The following ZMYND12 variants were observed in gnomAD, a reference collection of about 807,000 sequenced individuals.
The protein encoded by ZMYND12 is zinc finger MYND domain-containing protein 12.
Under a neutral mutation model 41.7 loss-of-function variants are expected in ZMYND12, and 32 were observed. The observed-to-expected ratio is 0.77, with a 90% CI of 0.58 to 1.03. The LOEUF is 1.03. ZMYND12 is among the 50% of genes least tolerant of loss of function. ZMYND12 has a pLI of 0.00. For missense variants in ZMYND12, 424 were observed against 438.5 expected (o/e 0.97, Z 0.30); for synonymous variants, 148 against 164.8 (o/e 0.90, Z 0.78).
chr1:42,438,894 T>C (rs1024969793), intron 4 of ZMYND12, among the ~76,000 whole-genome samples: 2 of 152,208 alleles, frequency 1.3e-5, no homozygotes, highest in African/African-American at 4.8e-5. Context: ...AACTCTTTTC[T>C]CTGGTAATAT....
rs1017013893 is a variant in ZMYND12, at chr1:42,448,618, G to A, written c.273C>T (p.Cys91=). The change falls in exon 3 of 8, where the codon TGC becomes TGT. Residue 91 remains cysteine, a synonymous_variant. Coordinates refer to ENST00000372565, the MANE Select transcript of ZMYND12 (RefSeq NM_032257.5). The part of the protein sequence containing the change: ...QQRQKYLIEF[C]YTIAQKYLFE... The stretch of plus-strand genomic sequence containing the variant: ...AGAGGTATTTCTGGGCTATGGTGTA[G>A]CAGAATTCAATCAAATACTTCTGTG... The A allele has an allele frequency of 2.1e-5, 34 of 1,611,082 alleles. No homozygotes were observed. In the African/African-American group the frequency reaches 3.6e-4, roughly 17 times the overall value.
chr1:42,454,343 C>T (rs975940308), intron 1 of ZMYND12, among the ~76,000 whole-genome samples: 2 of 152,214 alleles, frequency 1.3e-5, no homozygotes, highest in African/African-American at 4.8e-5. Flanking sequence ...CATCCCTGCC[C>T]TTGTGGGGCA....
At chr1:42,435,494 T>C in intron 5 of ZMYND12, 109 bp from the exon 6 acceptor site, 1 of 810,882 alleles carries the variant, frequency 1.2e-6, no homozygotes, top group Non-Finnish European at 2.1e-6. Flanking sequence ...AACCTGGAGG[T>C]TCTCTCTCTT....
At chr1:42,448,434 G>A (rs746601523) in intron 3 of ZMYND12, 33 bp downstream of exon 3, 37 of 1,540,260 alleles carry the variant, frequency 2.4e-5, no homozygotes, top group Non-Finnish European at 3.1e-5. Context: ...CACCACTTAA[G>A]GGATCCAAGG....
intron 1 of ZMYND12, 41 bp from the exon 2 acceptor site, chr1:42,450,100 C>T (rs2148410243): frequency 1.2e-6 from 2 of 1,605,616 alleles, no homozygotes; most frequent in Non-Finnish European, 1.7e-6. Context: ...TTATATTTGG[C>T]ATGACTTAAG....
chr1:42,430,598 C>T lies in ZMYND12; in HGVS notation c.*138G>A. The stretch of plus-strand genomic sequence containing the variant: ...AATATGCTGTGTAAGAAAAAAATAA[C>T]AGCTATGTGTGCAATCCCAGGGGAA... On this transcript the variant is annotated 3_prime_UTR_variant, in exon 8 of 8. Transcript: ENST00000372565. 13 of 1,124,436 alleles carry T rather than the reference C, an allele frequency of 1.2e-5. No homozygotes were observed. The highest frequency in any genetic ancestry group is 1.6e-5 in the Non-Finnish European group (13 of 798,814). The allele number at this position is 1,124,436 out of a possible 1,614,324, so 69.7% of individuals were successfully genotyped here.
At chr1:42,440,732 C>T (rs915330) in intron 3 of ZMYND12, among the ~76,000 whole-genome samples, 30,513 of 151,932 alleles carry the variant, frequency 0.2, 3,937 homozygotes, top group Admixed American at 0.31. Context: ...TGTAGTGGCG[C>T]GATCTCGGCT....
chr1:42,430,981 G>C, intron 7 of ZMYND12, 123 bp from the exon 8 acceptor site: 2 of 1,351,274 alleles, frequency 1.5e-6, no homozygotes, highest in Non-Finnish European at 2.0e-6. Context: ...ACCACCCACT[G>C]AGCTCTTGTT....
intron 3 of ZMYND12, among the ~76,000 whole-genome samples, chr1:42,446,313 AGAT>A (rs1643023309): frequency 6.6e-6 from 1 of 152,238 alleles, no homozygotes; most frequent in Non-Finnish European, 1.5e-5. Context: ...GTGCTGTATT[AGAT>A]CTGGATCAAA....
chr1:42,445,547 G>C (rs1643015318), intron 3 of ZMYND12, among the ~76,000 whole-genome samples: 1 of 151,986 alleles, frequency 6.6e-6, no homozygotes, highest in African/African-American at 2.4e-5. Flanking sequence ...GAGTTAATTT[G>C]GTGAAGGGAA....
At chr1:42,441,557 CT>C (rs1336439442) in intron 3 of ZMYND12, among the ~76,000 whole-genome samples, 1 of 152,052 alleles carries the variant, frequency 6.6e-6, no homozygotes. Flanking sequence ...TCATTTTTGT[CT>C]TTTTTGTTTA....
At chr1:42,454,512 G>C (rs985557342) in intron 1 of ZMYND12, among the ~76,000 whole-genome samples, 1 of 152,140 alleles carries the variant, frequency 6.6e-6, no homozygotes, top group African/African-American at 2.4e-5. Flanking sequence ...AGCCGTCAGT[G>C]TCTACCTTCC....
At chr1:42,439,271 C>CTT (rs10657885) in intron 4 of ZMYND12, among the ~76,000 whole-genome samples, 30,926 of 144,334 alleles carry the variant, frequency 0.21, 3,490 homozygotes, top group South Asian at 0.44. Context: ...CTCTCTCTCT[C>CTT]TTTTTTTTTT....
chr1:42,449,861 T>C, intron 2 of ZMYND12, 57 bp downstream of exon 2: 1 of 1,595,550 alleles, frequency 6.3e-7, no homozygotes, highest in Non-Finnish European at 8.5e-7. Flanking sequence ...TCGAGCCTTG[T>C]CTTGGGCAGC....
chr1:42,438,848 G>C lies in ZMYND12; in HGVS notation c.594+1008C>G, dbSNP rs982464092. On this transcript the variant is annotated intron_variant, in intron 4 of 7. Coordinates refer to ENST00000372565, the MANE Select transcript of ZMYND12 (RefSeq NM_032257.5). ...AGAACCAACCTGCATGGAGACTGCA[G>C]TCTGACTCTACGCTAACTCAGATTT... Among the ~76,000 whole-genome samples, 3 of 152,342 alleles carry C rather than the reference G, an allele frequency of 2.0e-5. No homozygotes were observed. In the East Asian group the frequency reaches 5.8e-4, roughly 29 times the overall value.
chr1:42,450,539 A>G (rs1643072663), intron 1 of ZMYND12, among the ~76,000 whole-genome samples: 1 of 152,146 alleles, frequency 6.6e-6, no homozygotes, highest in African/African-American at 2.4e-5. Context: ...TATCTCTGCT[A>G]TAATCTTTAA....
At chr1:42,445,364 C>CAG (rs1226311210) in intron 3 of ZMYND12, among the ~76,000 whole-genome samples, 1 of 148,326 alleles carries the variant, frequency 6.7e-6, no homozygotes, top group Non-Finnish European at 1.5e-5. Flanking sequence ...CCCTGGGAGG[C>CAG]AGAGGTTGCA....
At chr1:42,433,034 T>G (rs1279331418) in intron 7 of ZMYND12, 109 bp downstream of exon 7, 1 of 1,417,700 alleles carries the variant, frequency 7.1e-7, no homozygotes, top group Non-Finnish European at 9.8e-7. Flanking sequence ...GAGTGAGGGC[T>G]TGCTCTGAGG....
Position 42,447,142 on chromosome 1 carries a change from G to A in ZMYND12, c.424+1325C>T, listed in dbSNP as rs192136712. On this transcript the variant is annotated intron_variant, in intron 3 of 7. Coordinates refer to ENST00000372565, the MANE Select transcript of ZMYND12 (RefSeq NM_032257.5). ...AGTTATTAATTACAGAAGGGTGAAA[G>A]AGTAACATTACAGGGAGGAAGACTG... 7.4e-4 allele frequency among the ~76,000 whole-genome samples: 113 copies of A among 152,232 alleles called. 1 individual carries two copies. Among genetic ancestry groups the A allele is most frequent in the Admixed American group, 7.3e-3 (112 of 15,304 alleles).
Sources: gnomAD v4.1 joint callset for allele counts (sites outside exome capture counted in the v4.1 genomes callset) on GRCh38, gnomAD v4.1.1 for gene constraint, MANE v1.5 for transcripts, NCBI Gene and HGNC (gene_info 2026-07-23, HGNC 2026-07-21) for gene names.